Variants in STK11 observed in about 807,000 individuals in gnomAD.
The protein encoded by STK11 is serine/threonine kinase 11.
Under a neutral mutation model 47.3 loss-of-function variants are expected in STK11, and 8 were observed. The observed-to-expected ratio is 0.17, with a 90% CI of 0.10 to 0.31. The LOEUF is 0.31. Among genes scored for constraint, STK11 ranks in the 10% least tolerant of loss-of-function variants. The pLI is 1.00. For missense variants in STK11, 475 were observed against 605.0 expected (o/e 0.79, Z 2.25); for synonymous variants, 330 against 255.8 (o/e 1.29, Z -2.77).
chr19:1,207,928 G>A (rs544943929), intron 1 of STK11, among the ~76,000 whole-genome samples: 21 of 152,330 alleles, frequency 1.4e-4, no homozygotes, highest in African/African-American at 5.1e-4. Flanking sequence ...GCGCGGAGAA[G>A]CTCCTACCTA....
At chr19:1,222,962 C>T in intron 7 of STK11, 23 bp from the exon 8 acceptor site, 1 of 1,526,686 alleles carries the variant, frequency 6.6e-7, no homozygotes, top group Non-Finnish European at 8.8e-7. Flanking sequence ...CTGACAGGCG[C>T]CACTGCTTCT....
At chr19:1,219,444 G>GCGGGGC in intron 3 of STK11, 31 bp downstream of exon 3, 1 of 1,304,782 alleles carries the variant, frequency 7.7e-7, no homozygotes, top group Non-Finnish European at 1.1e-6. Context: ...CCAGGGTGGG[G>GCGGGGC]CGGGGGCCGG....
At chr19:1,223,622 C>A in intron 8 of STK11, 1 of 1,067,042 alleles carries the variant, frequency 9.4e-7, no homozygotes, top group Non-Finnish European at 1.1e-6. Flanking sequence ...TGATGCCGGC[C>A]GCCCTTCTTC....
rs772346288 is a variant in STK11 at position 1,221,352 on chromosome 19, A to G, written c.862+12A>G. 7 of 1,599,100 alleles carry G rather than the reference A, an allele frequency of 4.4e-6. No individual in the cohort carries two copies. In the East Asian group the frequency reaches 1.6e-4, roughly 36 times the overall value. Reference sequence around the variant, plus strand: ...TGACCTGCTGAAAGGTGGGAGCCTCATCCCTCTGCCCGCAGCCCCAGGGAG... The same window carrying G: ...TGACCTGCTGAAAGGTGGGAGCCTCGTCCCTCTGCCCGCAGCCCCAGGGAG... On this transcript the variant is annotated intron_variant, in intron 6 of 9. Coordinates refer to ENST00000326873, the MANE Select transcript of STK11 (RefSeq NM_000455.5).
Position 1,220,431 on chromosome 19 carries a change from A to G in STK11, c.523A>G (p.Lys175Glu), listed in dbSNP as rs1450703616. 1.2e-6 allele frequency: 2 copies of G among 1,606,844 alleles called. No homozygotes were observed. The highest frequency in any genetic ancestry group is 1.7e-6 in the Non-Finnish European group (2 of 1,177,168). ...CCTGCATAGCCAGGGCATTGTGCAC[A>G]AGGACATCAAGCCGGGGAACCTGCT... The part of the protein sequence containing the change: ...EYLHSQGIVH[K>E]DIKPGNLLLT... Residue 175 changes from lysine to glutamate, a missense_variant, in exon 4 of 10, where the codon AAG becomes GAG. Lys to Glu is a moderately conservative substitution (Grantham distance 56). Coordinates refer to ENST00000326873, the MANE Select transcript of STK11 (RefSeq NM_000455.5).
rs562633998 is a variant in STK11, at chr19:1,219,223, G to A, written c.375-101G>A. On this transcript the variant is annotated intron_variant, in intron 2 of 9. Transcript: ENST00000326873. ...GGCCCTGGTCCCGAGGAGGGGCAAG[G>A]TGGGTGCAGAGGGTCCCTCCAGAGC... 905 of 1,384,250 alleles carry A rather than the reference G, an allele frequency of 6.5e-4. 13 individuals are homozygous for A. In the South Asian group the frequency reaches 0.011, roughly 17 times the overall value. The allele number at this position is 1,384,250 out of a possible 1,614,324, so 85.7% of individuals were successfully genotyped here.
chr19:1,217,529 G>C (rs1283677540), intron 1 of STK11, among the ~76,000 whole-genome samples: 1 of 152,180 alleles, frequency 6.6e-6, no homozygotes, highest in Non-Finnish European at 1.5e-5. Flanking sequence ...TCTCTGGCCT[G>C]TTGTGCCCCA....
rs1437904486 is a variant in STK11 at position 1,206,708 on chromosome 19, G to T, written c.-206G>T. On this transcript the variant is annotated 5_prime_UTR_variant, in exon 1 of 10. Transcript: ENST00000326873. ...CCCGCCGGTCCGCAGACCCTGCACC[G>T]GGCTTGGACTCGCAGCCGGGACTGA... 2.9e-5 allele frequency: 20 copies of T among 700,924 alleles called. No individual in the cohort carries two copies. Among genetic ancestry groups the T allele is most frequent in the Non-Finnish European group, 4.5e-5 (20 of 444,652 alleles). The allele number at this position is 700,924 out of a possible 1,614,324, so 43.4% of individuals were successfully genotyped here.
In STK11 at chr19:1,228,277, C is replaced by T. The variant is rs1015269208; in HGVS notation, c.*701C>T. 4.4e-5 allele frequency: 14 copies of T among 321,300 alleles called. No homozygotes were observed. Among genetic ancestry groups the T allele is most frequent in the African/African-American group, 2.4e-4 (11 of 46,730 alleles). The allele number at this position is 321,300 out of a possible 1,614,324, so 19.9% of individuals were successfully genotyped here. A position where few individuals can be genotyped will look rare whatever the true frequency, so the allele number is the denominator to read the frequency against. ...TTGGGACCCCAGAGAAAACCCGGAG[C>T]AAGCAGGAGTGTGCGGTCAATATTT... On this transcript the variant is annotated 3_prime_UTR_variant, in exon 10 of 10. Coordinates refer to ENST00000326873, the MANE Select transcript of STK11 (RefSeq NM_000455.5).
At position 1,206,598 on chromosome 19, in the gene STK11, T is replaced by C. The variant is rs2080666820; in HGVS notation, c.-316T>C. 6.6e-6 allele frequency: 3 copies of C among 452,896 alleles called. No individual in the cohort carries two copies. In the Admixed American group the frequency reaches 1.2e-4, roughly 18 times the overall value. The allele number at this position is 452,896 out of a possible 1,614,324, so 28.1% of individuals were successfully genotyped here. ...CTCCCCAGGGTCCCCGAGGACGAAG[T>C]TGACCCTGACCGGGCCGTCTCCCAG... is the stretch of plus-strand genomic sequence containing the variant. On this transcript the variant is annotated 5_prime_UTR_variant, in exon 1 of 10. Coordinates refer to ENST00000326873, the MANE Select transcript of STK11 (RefSeq NM_000455.5).
chr19:1,215,068 T>C (rs985981103), intron 1 of STK11, among the ~76,000 whole-genome samples: 4 of 152,172 alleles, frequency 2.6e-5, no homozygotes, highest in South Asian at 2.1e-4. Context: ...CACAGAGCCC[T>C]GGGGAACAAG....
At chr19:1,224,444 C>T (rs2080807263) in intron 8 of STK11, 4 of 985,320 alleles carry the variant, frequency 4.1e-6, no homozygotes, top group Non-Finnish European at 4.8e-6. Flanking sequence ...AATTTGACCC[C>T]AGGCCCAGGG....
intron 9 of STK11, 96 bp downstream of exon 9, chr19:1,226,759 C>T (rs1002103061): frequency 2.9e-6 from 4 of 1,364,112 alleles, no homozygotes; most frequent in African/African-American, 3.0e-5. Context: ...GTCATGGTGA[C>T]CGTCACGTGG....
chr19:1,226,810 C>A, intron 9 of STK11, 147 bp downstream of exon 9: 1 of 1,000,590 alleles, frequency 1.0e-6, no homozygotes, highest in Non-Finnish European at 1.4e-6. Context: ...GGCTTGGCCA[C>A]GTAGCGATCC....
chr19:1,209,975 C>T (rs990023680), intron 1 of STK11, among the ~76,000 whole-genome samples: 3 of 152,180 alleles, frequency 2.0e-5, no homozygotes, highest in Non-Finnish European at 4.4e-5. Flanking sequence ...CACTAGTGTT[C>T]AGCGTCCAAT....
chr19:1,227,399 G>A (rs149821541), intron 9 of STK11, 194 bp from the exon 10 acceptor site: 1 of 419,182 alleles, frequency 2.4e-6, no homozygotes, highest in Non-Finnish European at 3.4e-6. Context: ...GAGCCCGCCA[G>A]GCCCCACTGC....
In STK11 at chr19:1,226,492, C is replaced by T. The variant is rs535449626; in HGVS notation, c.1147C>T (p.Arg383Cys). The part of the protein sequence containing the change: ...PEEEASHNGQ[R>C]RGLPKAVCMN... The stretch of plus-strand genomic sequence containing the variant: ...AGAGGAGGCCAGTCACAATGGACAG[C>T]GCCGGGGCCTCCCCAAGGCCGTGTG... The change falls in exon 9 of 10, where the codon CGC (arginine) becomes TGC (cysteine). Residue 383 changes from arginine to cysteine, a missense_variant. By Grantham distance (180) the Arg-to-Cys change is radical (BLOSUM62 -3). Transcript: ENST00000326873. 44 of 1,611,238 alleles carry T rather than the reference C, an allele frequency of 2.7e-5. No homozygotes were observed. The highest frequency in any genetic ancestry group is 6.7e-5 in the African/African-American group (5 of 75,028).
rs935247241 is a variant in STK11 at position 1,206,851 on chromosome 19, A to G, written c.-63A>G. On this transcript the variant is annotated 5_prime_UTR_variant, in exon 1 of 10. Transcript: ENST00000326873. The stretch of plus-strand genomic sequence containing the variant: ...TTTGGAGAAGGGAAGTCGGAACACA[A>G]GGAAGGACCGCTCACCCGCGGACTC... 30 of 1,512,834 alleles carry G rather than the reference A, an allele frequency of 2.0e-5. No homozygotes were observed. The Admixed American group carries it at 3.3e-4, about 17-fold the overall frequency. 93.7% of individuals were successfully genotyped at this position (1,512,834 alleles called of 1,614,324 possible).
chr19:1,225,165 G>A, intron 8 of STK11: 4 of 985,474 alleles, frequency 4.1e-6, no homozygotes, highest in Non-Finnish European at 3.6e-6. Context: ...TGTGCCCGCT[G>A]ATGCAGAGCT....
Sources: allele counts gnomAD v4.1 joint callset (sites outside exome capture counted in the v4.1 genomes callset), GRCh38; gene constraint gnomAD v4.1.1; transcripts MANE v1.5; gene names NCBI Gene and HGNC (gene_info 2026-07-23, HGNC 2026-07-21).